Variants in LUZP2 observed in about 807,000 individuals in gnomAD.
LUZP2 encodes the protein leucine zipper protein 2.
A neutral mutation model predicts 51.6 loss-of-function variants in LUZP2; 52 were observed. The observed-to-expected ratio is 1.01, with a 90% confidence interval of 0.81 to 1.27. The LOEUF is 1.27. Among genes scored for constraint, LUZP2 ranks in the 50% most tolerant of loss-of-function variants. The pLI, the probability that LUZP2 is intolerant of heterozygous loss-of-function variation, is 0.00. For missense variants in LUZP2, 436 were observed against 395.4 expected (o/e 1.10, Z -0.87); for synonymous variants, 154 against 137.3 (o/e 1.12, Z -0.85).
At chr11:24,816,002 T>TA (rs147250676) in intron 5 of LUZP2, among the ~76,000 whole-genome samples, 93,529 of 130,674 alleles carry the variant, frequency 0.72, 29,383 homozygotes, top group Middle Eastern at 0.79. Context: ...TCTTCTTTTT[T>TA]TTTTAAAAAA....
intron 1 of LUZP2, among the ~76,000 whole-genome samples, chr11:24,712,724 G>T (rs1282602406): frequency 6.6e-6 from 1 of 152,116 alleles, no homozygotes; most frequent in Non-Finnish European, 1.5e-5. Flanking sequence ...TTGAGAAAGG[G>T]GCTTAGAAGA....
In LUZP2 at chr11:24,774,315, G is replaced by A. The variant is rs376583492; in HGVS notation, c.396+11007G>A. Among the ~76,000 whole-genome samples the A allele has an allele frequency of 2.4e-5, 3 of 123,182 alleles. No individual in the cohort carries two copies. In the East Asian group the frequency reaches 8.0e-4, roughly 33 times the overall value. 80.8% of individuals were successfully genotyped at this position (123,182 alleles called of 152,430 possible). ...GCCCTGTGATTGTGTGAGTTAATGA[G>A]TTAATACTTAGTAAACTTCTCTCTC... On this transcript the variant is annotated intron_variant, in intron 5 of 11. Coordinates refer to ENST00000336930, the MANE Select transcript of LUZP2 (RefSeq NM_001009909.4).
At chr11:24,702,981 T>C (rs1857461791) in intron 1 of LUZP2, among the ~76,000 whole-genome samples, 1 of 152,122 alleles carries the variant, frequency 6.6e-6, no homozygotes, top group Non-Finnish European at 1.5e-5. Flanking sequence ...GTAATTATAA[T>C]GGTAAAACTA....
At chr11:25,005,989 T>G (rs1400386671) in intron 9 of LUZP2, among the ~76,000 whole-genome samples, 1 of 152,160 alleles carries the variant, frequency 6.6e-6, no homozygotes, top group Non-Finnish European at 1.5e-5. Context: ...TCTCCAGAGT[T>G]GGAAGATTGA....
chr11:24,592,112 G>A (rs1395633861), intron 1 of LUZP2, among the ~76,000 whole-genome samples: 1 of 152,206 alleles, frequency 6.6e-6, no homozygotes, highest in Non-Finnish European at 1.5e-5. Flanking sequence ...CCTTTCAGAT[G>A]ACAGCACTTT....
intron 1 of LUZP2, among the ~76,000 whole-genome samples, chr11:24,576,917 A>G (rs1036433256): frequency 3.3e-5 from 5 of 152,094 alleles, no homozygotes; most frequent in African/African-American, 4.8e-5. Context: ...TATAATTGAA[A>G]TAAATATAGT....
chr11:24,497,832 A>G (rs1564953013), intron 1 of LUZP2, among the ~76,000 whole-genome samples: 1 of 152,204 alleles, frequency 6.6e-6, no homozygotes, highest in Non-Finnish European at 1.5e-5. Context: ...AACGTCTTGG[A>G]TAAGCTTAGT....
intron 1 of LUZP2, among the ~76,000 whole-genome samples, chr11:24,641,339 G>A (rs16912985): frequency 0.19 from 29,180 of 151,556 alleles, 3,155 homozygotes; most frequent in Middle Eastern, 0.28. Flanking sequence ...TTAACAATCT[G>A]AATGACCTTA....
At chr11:24,574,360 T>A (rs1852566417) in intron 1 of LUZP2, among the ~76,000 whole-genome samples, 1 of 116,976 alleles carries the variant, frequency 8.5e-6, no homozygotes, top group African/African-American at 3.2e-5. Context: ...CCTCCCTCCC[T>A]CCCTCCTTCC....
At chr11:24,663,896 A>G (rs1414882462) in intron 1 of LUZP2, among the ~76,000 whole-genome samples, 4 of 152,128 alleles carry the variant, frequency 2.6e-5, no homozygotes, top group East Asian at 1.9e-4. Context: ...CTTTACCACC[A>G]TGATTGTAAG....
chr11:25,055,033 G>C (rs1251795418), intron 10 of LUZP2, among the ~76,000 whole-genome samples: 2 of 130,304 alleles, frequency 1.5e-5, no homozygotes, highest in African/African-American at 3.0e-5. Flanking sequence ...TTTTTTCGAG[G>C]CGGAGTCTCG....
At chr11:25,005,891 TGTTA>T (rs1856820033) in intron 9 of LUZP2, among the ~76,000 whole-genome samples, 1 of 152,122 alleles carries the variant, frequency 6.6e-6, no homozygotes, top group Non-Finnish European at 1.5e-5. Flanking sequence ...AGCATTCTCC[TGTTA>T]GTATCGGGAT....
chr11:24,701,910 C>A (rs1194955043), intron 1 of LUZP2, among the ~76,000 whole-genome samples: 3 of 152,150 alleles, frequency 2.0e-5, no homozygotes, highest in African/African-American at 7.2e-5. Context: ...AGTCACAGTT[C>A]TGCATTTAAT....
Position 25,024,698 on chromosome 11 carries a change from A to T in LUZP2, c.766-25340A>T, listed in dbSNP as rs189901395. Among the ~76,000 whole-genome samples, 205 of 152,256 alleles carry T rather than the reference A, an allele frequency of 1.3e-3. 1 individual carries two copies. The highest frequency in any genetic ancestry group is 4.9e-4 in the Non-Finnish European group (33 of 68,018). On this transcript the variant is annotated intron_variant, in intron 9 of 11. Coordinates refer to ENST00000336930, the MANE Select transcript of LUZP2 (RefSeq NM_001009909.4). ...ATGCTCATGGATAGGAAGAATCAAT[A>T]TTGCGAAAATGGCCAAACTGCCCAA...
chr11:24,920,577 A>G (rs1384308548), intron 7 of LUZP2, among the ~76,000 whole-genome samples: 1 of 152,090 alleles, frequency 6.6e-6, no homozygotes, highest in Non-Finnish European at 1.5e-5. Context: ...AATGTGGCAT[A>G]TGTACACATA....
chr11:25,004,365 G>A lies in LUZP2; in HGVS notation c.765+21072G>A, dbSNP rs142065870. Among the ~76,000 whole-genome samples the A allele has an allele frequency of 6.2e-3, 939 of 152,280 alleles. 40 individuals carry two copies. The highest frequency in any genetic ancestry group is 0.052 in the Admixed American group (796 of 15,292). ...ATTTTCTGTCCTCTGAACCACCAAG[G>A]TTTGTTTGCCTGAAGGCTATGACAA... On this transcript the variant is annotated intron_variant, in intron 9 of 11. Transcript: ENST00000336930.
At chr11:24,702,386 G>T (rs1857445142) in intron 1 of LUZP2, among the ~76,000 whole-genome samples, 1 of 152,052 alleles carries the variant, frequency 6.6e-6, no homozygotes, top group African/African-American at 2.4e-5. Context: ...TAAAAAGAAA[G>T]GAAAGGAAAA....
intron 1 of LUZP2, among the ~76,000 whole-genome samples, 186 bp from the exon 2 acceptor site, chr11:24,728,983 G>T (rs1590408981): frequency 6.6e-6 from 1 of 152,072 alleles, no homozygotes; most frequent in East Asian, 1.9e-4. Context: ...ACTGGGAAAT[G>T]AAACTTTTGT....
At chr11:24,824,859 T>G (rs2134165553) in intron 5 of LUZP2, among the ~76,000 whole-genome samples, 1 of 152,248 alleles carries the variant, frequency 6.6e-6, no homozygotes, top group African/African-American at 2.4e-5. Flanking sequence ...TAACTAAAAT[T>G]TTGACAAAAT....
Sources: allele counts gnomAD v4.1 joint callset (sites outside exome capture counted in the v4.1 genomes callset), GRCh38; gene constraint gnomAD v4.1.1; transcripts MANE v1.5; gene names NCBI Gene and HGNC (gene_info 2026-07-23, HGNC 2026-07-21).